FHIT: variants seen among roughly 807,000 people sequenced by gnomAD.
FHIT encodes the protein fragile histidine triad diadenosine triphosphatase, also known as bis(5'-adenosyl)-triphosphatase.
A neutral mutation model predicts 17.9 loss-of-function variants in FHIT; 19 were observed. The observed-to-expected ratio is 1.06, with a 90% CI of 0.74 to 1.56. FHIT has a LOEUF of 1.56. Among genes scored for constraint, FHIT ranks in the 40% most tolerant of loss-of-function variants. The pLI, the probability that FHIT is intolerant of heterozygous loss-of-function variation, is 0.00. For missense variants in FHIT, 248 were observed against 189.2 expected (o/e 1.31, Z -1.82); for synonymous variants, 81 against 69.7 (o/e 1.16, Z -0.81).
chr3:60,452,577 C>T (rs549991825), intron 5 of FHIT, among the ~76,000 whole-genome samples: 49 of 152,228 alleles, frequency 3.2e-4, no homozygotes, highest in South Asian at 1.2e-3. Context: ...TAGTAATTAA[C>T]ACATCAATCT....
Position 60,577,719 on chromosome 3 carries a change from T to C in FHIT, c.-17-40740A>G, listed in dbSNP as rs181084059. 7.9e-5 allele frequency among the ~76,000 whole-genome samples: 12 copies of C among 152,264 alleles called. No individual in the cohort carries two copies. The South Asian group carries it at 8.3e-4, about 11-fold the overall frequency. On this transcript the variant is annotated intron_variant, in intron 4 of 9. Transcript: ENST00000492590. The stretch of plus-strand genomic sequence containing the variant: ...GTCTTTTTTATTTCTATTAAATGAA[T>C]ATATACAACCGTTCGGCTGCCTCAG...
chr3:61,107,229 G>C (rs1444911304), intron 2 of FHIT, among the ~76,000 whole-genome samples: 1 of 152,118 alleles, frequency 6.6e-6, no homozygotes, highest in Non-Finnish European at 1.5e-5. Context: ...TGCAGTATTT[G>C]TCTTTCTGTG....
At chr3:59,987,539 C>T (rs1348856974) in intron 7 of FHIT, among the ~76,000 whole-genome samples, 2 of 152,034 alleles carry the variant, frequency 1.3e-5, no homozygotes, top group Non-Finnish European at 2.9e-5. Flanking sequence ...AACATGAAGG[C>T]AAACTGTATT....
In FHIT at chr3:60,255,636, G is replaced by A. The variant is rs184435124; in HGVS notation, c.104-241484C>T. Among the ~76,000 whole-genome samples, 41 of 151,938 alleles carry A rather than the reference G, an allele frequency of 2.7e-4. No individual in the cohort carries two copies. The East Asian group carries it at 2.9e-3, about 11-fold the overall frequency. ...TGTGAAATGTCCCAATAAAAATTTC[G>A]GTGGCTAGTTTATATTTTTTTAAAG... is the stretch of plus-strand genomic sequence containing the variant. On this transcript the variant is annotated intron_variant, in intron 5 of 9. Coordinates refer to ENST00000492590, the MANE Select transcript of FHIT (RefSeq NM_002012.4).
chr3:59,992,335 T>C (rs1699312696), intron 7 of FHIT, among the ~76,000 whole-genome samples: 1 of 152,070 alleles, frequency 6.6e-6, no homozygotes, highest in South Asian at 2.1e-4. Flanking sequence ...GAATTACTTT[T>C]ACAATTAAGC....
Position 60,899,819 on chromosome 3 carries a change from T to C in FHIT, c.-110-77808A>G, listed in dbSNP as rs375257608. On this transcript the variant is annotated intron_variant, in intron 3 of 9. Coordinates refer to ENST00000492590, the MANE Select transcript of FHIT (RefSeq NM_002012.4). ...AGGATTTTAAAAATTTCAGCTGGGC[T>C]TATGGGGATGGAATGTGATAATAAA... Among the ~76,000 whole-genome samples, 20 of 152,186 alleles carry C rather than the reference T, an allele frequency of 1.3e-4. No homozygotes were observed. In the South Asian group the frequency reaches 4.2e-3, roughly 32 times the overall value.
chr3:60,609,707 T>C lies in FHIT; in HGVS notation c.-17-72728A>G, dbSNP rs78927785. 3.3e-5 allele frequency among the ~76,000 whole-genome samples: 5 copies of C among 152,250 alleles called. No homozygotes were observed. In the East Asian group the frequency reaches 5.8e-4, roughly 18 times the overall value. On this transcript the variant is annotated intron_variant, in intron 4 of 9. Coordinates refer to ENST00000492590, the MANE Select transcript of FHIT (RefSeq NM_002012.4). The stretch of plus-strand genomic sequence containing the variant: ...GGCAAGTACCACCCTAACTCTCAAA[T>C]AGCCTTTCCATCTGGGCACCCTTCT...
At chr3:60,011,515 G>C in intron 6 of FHIT, 115 bp from the exon 7 acceptor site, 1 of 897,028 alleles carries the variant, frequency 1.1e-6, no homozygotes, top group South Asian at 1.4e-5. Context: ...TTAATTTATA[G>C]TATTCTCATG....
At chr3:59,805,093 A>G (rs1575524330) in intron 8 of FHIT, among the ~76,000 whole-genome samples, 1 of 152,060 alleles carries the variant, frequency 6.6e-6, no homozygotes, top group East Asian at 1.9e-4. Flanking sequence ...GTCTAGCTTG[A>G]AGCAGTGGGA....
intron 4 of FHIT, among the ~76,000 whole-genome samples, chr3:60,670,232 G>A (rs2040477201): frequency 6.6e-6 from 1 of 152,156 alleles, no homozygotes; most frequent in South Asian, 2.1e-4. Context: ...TAGGAAGACT[G>A]TAATTCTTCC....
chr3:60,509,863 TAC>T (rs2034880516), intron 5 of FHIT, among the ~76,000 whole-genome samples: 1 of 152,202 alleles, frequency 6.6e-6, no homozygotes, highest in African/African-American at 2.4e-5. Context: ...TTCATTGTCT[TAC>T]AGTTTTTTTG....
At position 61,230,582 on chromosome 3, in the gene FHIT, A is replaced by G. The variant is rs550885523; in HGVS notation, c.-213+20719T>C. Among the ~76,000 whole-genome samples, 3 of 152,244 alleles carry G rather than the reference A, an allele frequency of 2.0e-5. No individual in the cohort carries two copies. The East Asian group carries it at 5.8e-4, about 29-fold the overall frequency. On this transcript the variant is annotated intron_variant, in intron 1 of 9. Coordinates refer to ENST00000492590, the MANE Select transcript of FHIT (RefSeq NM_002012.4). Reference sequence around the variant, plus strand: ...TGCAAGAATGGCCTAATATCATCACACACTTAAATTTTCTGATTCTCAGAA... The same window carrying G: ...TGCAAGAATGGCCTAATATCATCACGCACTTAAATTTTCTGATTCTCAGAA...
chr3:61,162,361 A>T (rs2037721615), intron 2 of FHIT, among the ~76,000 whole-genome samples: 1 of 152,084 alleles, frequency 6.6e-6, no homozygotes, highest in Non-Finnish European at 1.5e-5. Flanking sequence ...CTACCAGGAG[A>T]AGGAAAAAGG....
chr3:59,788,881 GT>G (rs60361063), intron 8 of FHIT, among the ~76,000 whole-genome samples: 1 of 86,804 alleles, frequency 1.2e-5, no homozygotes, highest in African/African-American at 4.6e-5. Context: ...GAGTTCATAT[GT>G]TTTTTTTTTT....
chr3:60,468,221 T>A (rs1246585687), intron 5 of FHIT, among the ~76,000 whole-genome samples: 1 of 152,114 alleles, frequency 6.6e-6, no homozygotes, highest in African/African-American at 2.4e-5. Context: ...AGGCAACAGA[T>A]CATTGCAGCT....
intron 1 of FHIT, among the ~76,000 whole-genome samples, chr3:61,215,867 C>T (rs1435202320): frequency 6.6e-6 from 1 of 152,210 alleles, no homozygotes; most frequent in Non-Finnish European, 1.5e-5. Context: ...TGATCTTTGA[C>T]AAACCTGACA....
At chr3:60,611,801 A>G (rs1437878998) in intron 4 of FHIT, among the ~76,000 whole-genome samples, 1 of 152,202 alleles carries the variant, frequency 6.6e-6, no homozygotes, top group African/African-American at 2.4e-5. Context: ...GTTTGATTTC[A>G]TACTTGTCCT....
At chr3:60,085,722 G>A (rs1224102086) in intron 5 of FHIT, among the ~76,000 whole-genome samples, 1 of 152,116 alleles carries the variant, frequency 6.6e-6, no homozygotes, top group African/African-American at 2.4e-5. Flanking sequence ...TGCCCTACAG[G>A]CCAAAATGGT....
In FHIT at chr3:60,755,045, T is replaced by A. The variant is rs370247909; in HGVS notation, c.-18+66874A>T. 3.5e-4 allele frequency among the ~76,000 whole-genome samples: 54 copies of A among 152,340 alleles called. No homozygotes were observed. In the South Asian group the frequency reaches 8.9e-3, roughly 25 times the overall value. ...TTATTAGAGAAAAACCTGGTGGGATTCAGCATCAAAGTTATTCTCCTTTCT... is the reference window on the plus strand; with the variant it reads ...TTATTAGAGAAAAACCTGGTGGGATACAGCATCAAAGTTATTCTCCTTTCT... On this transcript the variant is annotated intron_variant, in intron 4 of 9. Coordinates refer to ENST00000492590, the MANE Select transcript of FHIT (RefSeq NM_002012.4).
Sources: gnomAD v4.1 joint callset for allele counts (sites outside exome capture counted in the v4.1 genomes callset) on GRCh38, gnomAD v4.1.1 for gene constraint, MANE v1.5 for transcripts, NCBI Gene and HGNC (gene_info 2026-07-23, HGNC 2026-07-21) for gene names.